Variants in LYPD6 observed in about 807,000 individuals in gnomAD.
The protein encoded by LYPD6 is ly6/PLAUR domain-containing protein 6.
In LYPD6, 15 loss-of-function variants were observed where a neutral mutation model predicts 22.7. That is an observed-to-expected ratio of 0.66 (90% confidence interval 0.44 to 1.02). The LOEUF is 1.02. Ranked by LOEUF, LYPD6 falls within the 50% of genes least tolerant of loss-of-function variation. The probability of loss-of-function intolerance (pLI) is 0.00; values close to 1 mark genes in which losing one functional copy is unlikely to be tolerated. For missense variants in LYPD6, 189 were observed against 208.4 expected (o/e 0.91, Z 0.57); for synonymous variants, 72 against 77.5 (o/e 0.93, Z 0.37).
intron 1 of LYPD6, among the ~76,000 whole-genome samples, chr2:149,357,039 G>C (rs1196701): frequency 0.55 from 84,033 of 152,038 alleles, 25,928 homozygotes; most frequent in East Asian, 0.9. Context: ...GCCATTCTGT[G>C]TTTTTTCCCC....
At chr2:149,413,707 G>A (rs1475504300) in intron 1 of LYPD6, among the ~76,000 whole-genome samples, 1 of 152,160 alleles carries the variant, frequency 6.6e-6, no homozygotes, top group African/African-American at 2.4e-5. Flanking sequence ...TTCAATTTGT[G>A]TGTTTTAAAG....
the LYPD6 span, among the ~76,000 whole-genome samples, chr2:149,480,031 T>C: frequency 6.6e-6 from 1 of 151,756 alleles, no homozygotes; most frequent in East Asian, 1.9e-4. Flanking sequence ...TTTTTTTTTT[T>C]TGTTTTGAGA....
At chr2:149,336,082 C>T (rs1420971029) in intron 1 of LYPD6, among the ~76,000 whole-genome samples, 1 of 152,148 alleles carries the variant, frequency 6.6e-6, no homozygotes, top group East Asian at 1.9e-4. Context: ...GTTTCCGATT[C>T]CAGTTCCCTC....
intron 1 of LYPD6, among the ~76,000 whole-genome samples, chr2:149,399,716 A>ATAAG (rs139660661): frequency 0.31 from 46,519 of 149,432 alleles, 9,439 homozygotes; most frequent in African/African-American, 0.58. Context: ...TATATAAATT[A>ATAAG]TAAGTATATG....
At chr2:149,399,669 A>G (rs534952947) in intron 1 of LYPD6, among the ~76,000 whole-genome samples, 2 of 150,270 alleles carry the variant, frequency 1.3e-5, no homozygotes, top group Non-Finnish European at 3.0e-5. Context: ...GTGGAAAAAA[A>G]CCAAATAAAA....
chr2:149,353,857 C>T, intron 1 of LYPD6, among the ~76,000 whole-genome samples: 1 of 151,904 alleles, frequency 6.6e-6, no homozygotes, highest in Admixed American at 6.6e-5. Context: ...TTTCTGGCAC[C>T]AGAGAGATGA....
At chr2:149,412,464 A>C (rs1682872676) in intron 1 of LYPD6, among the ~76,000 whole-genome samples, 1 of 144,322 alleles carries the variant, frequency 6.9e-6, no homozygotes, top group Non-Finnish European at 1.5e-5. Flanking sequence ...AATCCATCAG[A>C]GAAGCTATTT....
chr2:149,431,439 T>G (rs898070568), intron 1 of LYPD6, among the ~76,000 whole-genome samples: 1 of 152,260 alleles, frequency 6.6e-6, no homozygotes, highest in African/African-American at 2.4e-5. Context: ...GAGGAAAAGA[T>G]ACATCCCCTG....
At chr2:149,424,762 T>C (rs1486135831) in intron 1 of LYPD6, among the ~76,000 whole-genome samples, 1 of 152,154 alleles carries the variant, frequency 6.6e-6, no homozygotes, top group Non-Finnish European at 1.5e-5. Context: ...GCGCTGTCAA[T>C]TGAGCTGGAA....
intron 1 of LYPD6, among the ~76,000 whole-genome samples, chr2:149,335,295 A>G (rs930892482): frequency 2.0e-5 from 3 of 152,166 alleles, no homozygotes; most frequent in Non-Finnish European, 4.4e-5. Flanking sequence ...AGACAGTGAT[A>G]TTGATGATCG....
At chr2:149,347,120 G>T (rs114290489) in intron 1 of LYPD6, among the ~76,000 whole-genome samples, 48 of 152,214 alleles carry the variant, frequency 3.2e-4, no homozygotes, top group Non-Finnish European at 6.0e-4. Flanking sequence ...TACATGGGGT[G>T]GGGTTGGAGG....
chr2:149,412,937 T>A (rs1682884253), intron 1 of LYPD6, among the ~76,000 whole-genome samples: 1 of 152,196 alleles, frequency 6.6e-6, no homozygotes, highest in South Asian at 2.1e-4. Context: ...CTTTTGAGCC[T>A]AGAAGCCCAG....
At position 149,437,715 on chromosome 2, in the gene LYPD6, C is replaced by T. The variant is rs1007834314; in HGVS notation, c.7C>T (p.Pro3Ser). Residue 3 changes from proline to serine, a missense_variant, in exon 2 of 5, where the codon CCT becomes TCT. Pro to Ser is a moderately conservative substitution (Grantham distance 74). Coordinates refer to ENST00000334166, the MANE Select transcript of LYPD6 (RefSeq NM_194317.5). ...AGTGACACTTCAGTCTGCCATGGAA[C>T]CTGGCCCTGCTCTGGCCTGGCTCCT... ME[P>S]GPALAWLLLL... 6 of 1,614,008 alleles carry T rather than the reference C, an allele frequency of 3.7e-6. No homozygotes were observed. Among genetic ancestry groups the T allele is most frequent in the East Asian group, 2.2e-5 (1 of 44,872 alleles).
At chr2:149,422,800 T>C (rs1005916766) in intron 1 of LYPD6, among the ~76,000 whole-genome samples, 1 of 152,124 alleles carries the variant, frequency 6.6e-6, no homozygotes, top group Non-Finnish European at 1.5e-5. Context: ...ATTCTACTCT[T>C]CCTCTGTGAG....
chr2:149,470,555 G>C (rs1294920039), intron 4 of LYPD6, 128 bp from the exon 5 acceptor site: 1 of 718,792 alleles, frequency 1.4e-6, no homozygotes, highest in Admixed American at 2.5e-5. Flanking sequence ...CGTAGAGTTG[G>C]CATCTCCTTT....
At chr2:149,392,173 T>C (rs1682325775) in intron 1 of LYPD6, among the ~76,000 whole-genome samples, 1 of 152,046 alleles carries the variant, frequency 6.6e-6, no homozygotes. Context: ...ACTAATCTCA[T>C]CATGAGAGTC....
the LYPD6 span, among the ~76,000 whole-genome samples, chr2:149,485,429 C>T: frequency 6.6e-6 from 1 of 152,160 alleles, no homozygotes; most frequent in Non-Finnish European, 1.5e-5. Context: ...TGCTTTCAGG[C>T]GTTTGGAGGA....
chr2:149,366,414 AC>A (rs1276415738), intron 1 of LYPD6, among the ~76,000 whole-genome samples: 4 of 152,132 alleles, frequency 2.6e-5, no homozygotes, highest in Non-Finnish European at 5.9e-5. Flanking sequence ...GACATCCCTG[AC>A]CCCTTGGCAG....
intron 1 of LYPD6, among the ~76,000 whole-genome samples, chr2:149,388,011 G>T (rs1682225705): frequency 6.6e-6 from 1 of 152,140 alleles, no homozygotes; most frequent in Non-Finnish European, 1.5e-5. Flanking sequence ...TTTCATTTTG[G>T]AAAATGTATT....
Sources: gnomAD v4.1 joint callset for allele counts (sites outside exome capture counted in the v4.1 genomes callset) on GRCh38, gnomAD v4.1.1 for gene constraint, MANE v1.5 for transcripts, NCBI Gene and HGNC (gene_info 2026-07-23, HGNC 2026-07-21) for gene names.